Variants in NPRL3 observed in about 807,000 individuals in gnomAD.
NPRL3 encodes GATOR1 complex protein NPRL3.
Under a neutral mutation model 57.2 loss-of-function variants are expected in NPRL3, and 23 were observed. The ratio of observed to expected loss-of-function variants is 0.40; its 90% CI spans 0.29 to 0.57. The LOEUF (loss-of-function observed/expected upper bound fraction) is 0.57. Among genes scored for constraint, NPRL3 ranks in the 20% least tolerant of loss-of-function variants. The probability of loss-of-function intolerance (pLI) is 0.42; values close to 1 mark genes in which losing one functional copy is unlikely to be tolerated. For missense variants in NPRL3, 691 were observed against 767.1 expected (o/e 0.90, Z 1.17); for synonymous variants, 333 against 321.1 (o/e 1.04, Z -0.39).
chr16:86,339 A>C lies in NPRL3; in HGVS notation c.*366T>G, dbSNP rs1357476847. On this transcript the variant is annotated 3_prime_UTR_variant, in exon 14 of 14. Coordinates refer to ENST00000611875, the MANE Select transcript of NPRL3 (RefSeq NM_001077350.3). ...AGGGTGGCCACAGACTGGGGGGTCC[A>C]AGGAGCAGGTGTAGGGACAGAAGGA... The C allele has an allele frequency of 1.8e-5, 4 of 225,084 alleles. No homozygotes were observed. The highest frequency in any genetic ancestry group is 2.7e-5 in the Non-Finnish European group (3 of 113,024). The allele number at this position is 225,084 out of a possible 1,614,324, so 13.9% of individuals were successfully genotyped here.
In NPRL3 at chr16:88,631, G is replaced by A. The variant is rs1032467994; in HGVS notation, c.1544+67C>T. 17 of 1,384,256 alleles carry A rather than the reference G, an allele frequency of 1.2e-5. No homozygotes were observed. The Middle Eastern group carries it at 6.3e-4, about 52-fold the overall frequency. 85.7% of individuals were successfully genotyped at this position (1,384,256 alleles called of 1,614,324 possible). A position where few individuals can be genotyped will look rare whatever the true frequency, so the allele number is the denominator to read the frequency against. On this transcript the variant is annotated intron_variant, in intron 13 of 13. Coordinates refer to ENST00000611875, the MANE Select transcript of NPRL3 (RefSeq NM_001077350.3). ...TGGATTTGGTGGTTCTGTTGCGTAC[G>A]TCCCTATCCACTTTCTGCCCTGACC...
chr16:128,707 G>T (rs1372675324), intron 3 of NPRL3, among the ~76,000 whole-genome samples: 1 of 152,196 alleles, frequency 6.6e-6, no homozygotes, highest in Non-Finnish European at 1.5e-5. Context: ...GGCGGAGCCT[G>T]CAGTGAGCTG....
chr16:116,055 T>TGC (rs1900021137), intron 5 of NPRL3, among the ~76,000 whole-genome samples: 1 of 152,230 alleles, frequency 6.6e-6, no homozygotes, highest in South Asian at 2.1e-4. Context: ...ACAGTGGGAC[T>TGC]GCTAGATCTA....
intron 3 of NPRL3, among the ~76,000 whole-genome samples, chr16:129,212 T>C (rs1187421440): frequency 2.6e-5 from 4 of 152,324 alleles, no homozygotes; most frequent in African/African-American, 9.6e-5. Context: ...GGAGTAAGGC[T>C]AATGTGGGGG....
intron 3 of NPRL3, among the ~76,000 whole-genome samples, chr16:121,750 A>G (rs1401885904): frequency 2.0e-5 from 3 of 152,116 alleles, no homozygotes; most frequent in Non-Finnish European, 4.4e-5. Flanking sequence ...CCACACCTTA[A>G]TATTACAAAC....
intron 7 of NPRL3, among the ~76,000 whole-genome samples, chr16:107,893 A>G (rs1393789922): frequency 6.6e-6 from 1 of 152,242 alleles, no homozygotes; most frequent in Non-Finnish European, 1.5e-5. Flanking sequence ...TGAGGCATAC[A>G]CTCAGAATAA....
At chr16:93,040 G>A in intron 10 of NPRL3, 179 bp downstream of exon 10, 2 of 629,862 alleles carry the variant, frequency 3.2e-6, no homozygotes, top group East Asian at 5.5e-5. Context: ...CACAGAGCCA[G>A]ACCAGAATTG....
At chr16:102,005 G>A (rs1449377448) in intron 7 of NPRL3, among the ~76,000 whole-genome samples, 2 of 152,140 alleles carry the variant, frequency 1.3e-5, no homozygotes, top group Non-Finnish European at 2.9e-5. Flanking sequence ...ATTGTAAAAC[G>A]TGTCAGGCAC....
chr16:90,172 T>C, intron 11 of NPRL3: 1 of 442,752 alleles, frequency 2.3e-6, no homozygotes, highest in Non-Finnish European at 4.0e-6. Context: ...AGCATCTGGC[T>C]GAGGAGCAGG....
chr16:119,268 G>A lies in NPRL3; in HGVS notation c.189-13C>T, dbSNP rs759080875. On this transcript the variant is annotated splice_polypyrimidine_tract_variant and intron_variant, in intron 3 of 13. Transcript: ENST00000611875. ...AACATCTGAAAACCTTAAAATTTAA[G>A]AGAGGTAGAATAAAAATAAGTTAAC... 2.5e-6 allele frequency: 4 copies of A among 1,594,642 alleles called. No homozygotes were observed. The South Asian group carries it at 4.5e-5, about 18-fold the overall frequency.
intron 7 of NPRL3, among the ~76,000 whole-genome samples, chr16:108,645 A>C (rs1899637429): frequency 7.3e-6 from 1 of 136,782 alleles, no homozygotes; most frequent in Non-Finnish European, 1.5e-5. Context: ...AATTTTATTT[A>C]TTTTTTATTT....
chr16:87,135 C>T (rs3176440), intron 13 of NPRL3, among the ~76,000 whole-genome samples: 1 of 152,236 alleles, frequency 6.6e-6, no homozygotes, highest in Non-Finnish European at 1.5e-5. Context: ...GGTGCCCAAG[C>T]CTGCGTCCTG....
intron 11 of NPRL3, chr16:90,900 T>A (rs1158114128): frequency 6.6e-6 from 1 of 152,160 alleles, no homozygotes; most frequent in Non-Finnish European, 1.5e-5. Context: ...GCCAACACAG[T>A]GAAACCTCAT....
chr16:89,000 G>GA, intron 12 of NPRL3, 110 bp from the exon 13 acceptor site: 13 of 961,246 alleles, frequency 1.4e-5, no homozygotes, highest in Non-Finnish European at 2.1e-5. Context: ...CTCCTACAAG[G>GA]GTTAGGGTAC....
rs1205797247 is a variant in NPRL3, at chr16:112,768, G to C, written c.401C>G (p.Ala134Gly). 2 of 1,598,614 alleles carry C rather than the reference G, an allele frequency of 1.3e-6. No homozygotes were observed. Among genetic ancestry groups the C allele is most frequent in the Non-Finnish European group, 1.7e-6 (2 of 1,168,918 alleles). Residue 134 changes from alanine (A) to glycine (G), a missense_variant, in exon 6 of 14, where the codon GCA (alanine) becomes GGA (glycine). Ala to Gly is a moderately conservative substitution (Grantham distance 60). Coordinates refer to ENST00000611875, the MANE Select transcript of NPRL3 (RefSeq NM_001077350.3). ...FNVVFALRAN[A>G]DPSVINCLHN... is the part of the protein sequence containing the mutation. ...CAGACAGTTTATCACTGACGGGTCT[G>C]CGTTGGCCTGCAGGAGAGAGACCAT...
chr16:120,860 TG>T (rs1406918828), intron 3 of NPRL3, among the ~76,000 whole-genome samples: 1 of 152,178 alleles, frequency 6.6e-6, no homozygotes, highest in African/African-American at 2.4e-5. Context: ...CTCCCATCTG[TG>T]GGACATGGTA....
intron 2 of NPRL3, among the ~76,000 whole-genome samples, chr16:136,659 C>T (rs1334772043): frequency 6.8e-6 from 1 of 147,828 alleles, no homozygotes; most frequent in Non-Finnish European, 1.5e-5. Context: ...CACTGCACTC[C>T]AGCCTGGCAA....
At chr16:93,184 C>T (rs368488812) in intron 10 of NPRL3, 35 bp downstream of exon 10, 47 of 1,395,658 alleles carry the variant, frequency 3.4e-5, no homozygotes, top group African/African-American at 1.0e-4. Flanking sequence ...CCTTCCCACT[C>T]GGGGCTCCAG....
chr16:131,629 T>C, intron 2 of NPRL3, among the ~76,000 whole-genome samples: 1 of 120,534 alleles, frequency 8.3e-6, no homozygotes, highest in South Asian at 2.9e-4. Context: ...ACGCTAACAA[T>C]CAGCTCAGCC....
Sources: gnomAD v4.1 joint callset for allele counts (sites outside exome capture counted in the v4.1 genomes callset) on GRCh38, gnomAD v4.1.1 for gene constraint, MANE v1.5 for transcripts, NCBI Gene and HGNC (gene_info 2026-07-23, HGNC 2026-07-21) for gene names.